Variants in SPDYA observed in about 807,000 individuals in gnomAD.
SPDYA encodes the protein speedy protein A.
In SPDYA, 11 loss-of-function variants were observed where a neutral mutation model predicts 36.7. The ratio of observed to expected loss-of-function variants is 0.30; its 90% confidence interval spans 0.19 to 0.50. SPDYA has a LOEUF of 0.50. Ranked by LOEUF, SPDYA falls within the 20% of genes least tolerant of loss-of-function variation. The pLI, the probability that SPDYA is intolerant of heterozygous loss-of-function variation, is 0.98. For synonymous variants in SPDYA, 115 were observed against 118.7 expected (o/e 0.97, Z 0.20); for missense variants, 287 against 370.9 (o/e 0.77, Z 1.86).
chr2:28,824,942 A>G (rs2148085964), intron 5 of SPDYA, among the ~76,000 whole-genome samples: 1 of 152,350 alleles, frequency 6.6e-6, no homozygotes, highest in Non-Finnish European at 1.5e-5. Context: ...TAAATATAAT[A>G]GTATTAGGTA....
intron 5 of SPDYA, among the ~76,000 whole-genome samples, chr2:28,828,204 C>A (rs1668380410): frequency 1.3e-5 from 2 of 152,124 alleles, no homozygotes; most frequent in South Asian, 4.1e-4. Flanking sequence ...CCAGGCAGAT[C>A]TTGAACTCCT....
chr2:28,845,265 C>CTT (rs1362262400), intron 7 of SPDYA, among the ~76,000 whole-genome samples: 2 of 106,896 alleles, frequency 1.9e-5, no homozygotes, highest in African/African-American at 3.6e-5. Flanking sequence ...TTTTTTTTTT[C>CTT]TTTTTTTTTT....
intron 7 of SPDYA, among the ~76,000 whole-genome samples, chr2:28,846,734 C>CACAT (rs1400292718): frequency 2.8e-5 from 4 of 145,072 alleles, no homozygotes; most frequent in African/African-American, 1.1e-4. Flanking sequence ...CACACACACA[C>CACAT]ACACACACAC....
At chr2:28,846,308 T>C (rs1309418480) in intron 7 of SPDYA, among the ~76,000 whole-genome samples, 1 of 152,144 alleles carries the variant, frequency 6.6e-6, no homozygotes, top group African/African-American at 2.4e-5. Flanking sequence ...CTCCAGAGAC[T>C]GAGGCAGGAG....
intron 5 of SPDYA, among the ~76,000 whole-genome samples, chr2:28,823,742 TATAA>T (rs1414955550): frequency 3.4e-4 from 30 of 88,932 alleles, no homozygotes; most frequent in East Asian, 1.8e-3. Context: ...TATATATATA[TATAA>T]AATTTTTTTT....
At position 28,850,117 on chromosome 2, in the gene SPDYA, T is replaced by A; in HGVS notation, c.*176T>A. 2 of 1,360,124 alleles carry A rather than the reference T, an allele frequency of 1.5e-6. No homozygotes were observed. The highest frequency in any genetic ancestry group is 4.6e-5 in the East Asian group (2 of 43,338). The allele number at this position is 1,360,124 out of a possible 1,614,324, so 84.3% of individuals were successfully genotyped here. The stretch of plus-strand genomic sequence containing the variant: ...TCATAGTAATAGCTAAAAATGCCAA[T>A]CTATGGAAGCAGTGATTTTCAATAT... On this transcript the variant is annotated 3_prime_UTR_variant, in exon 8 of 8. Transcript: ENST00000334056.
At chr2:28,812,655 G>A (rs957537415) in intron 1 of SPDYA, among the ~76,000 whole-genome samples, 1 of 151,832 alleles carries the variant, frequency 6.6e-6, no homozygotes, top group African/African-American at 2.4e-5. Context: ...TCAGGAGTTG[G>A]AGACCAGCCT....
intron 7 of SPDYA, among the ~76,000 whole-genome samples, chr2:28,848,778 C>T (rs1188893853): frequency 6.6e-6 from 1 of 152,060 alleles, no homozygotes; most frequent in Non-Finnish European, 1.5e-5. Context: ...CATGGTGGCT[C>T]CACACCTATA....
intron 6 of SPDYA, 101 bp downstream of exon 6, chr2:28,829,420 T>TG (rs1668418088): frequency 8.6e-6 from 10 of 1,163,872 alleles, no homozygotes; most frequent in Non-Finnish European, 1.2e-5. Context: ...ATTCTGGGTT[T>TG]TTTTTTTTTT....
intron 7 of SPDYA, among the ~76,000 whole-genome samples, chr2:28,847,440 T>C (rs1287678180): frequency 6.6e-6 from 1 of 151,892 alleles, no homozygotes; most frequent in Non-Finnish European, 1.5e-5. Context: ...TACAGGATGG[T>C]GTTCCCCTAA....
At chr2:28,822,828 G>C (rs765450828) in intron 5 of SPDYA, among the ~76,000 whole-genome samples, 14 of 152,128 alleles carry the variant, frequency 9.2e-5, no homozygotes, top group Non-Finnish European at 2.1e-4. Flanking sequence ...GGATGGTCTT[G>C]ATCTCCTGAC....
intron 7 of SPDYA, chr2:28,840,812 A>G (rs1668731191): frequency 2.0e-6 from 2 of 986,188 alleles, no homozygotes; most frequent in Non-Finnish European, 2.4e-6. Context: ...CCTTCCAACT[A>G]TTGGTTTCCT....
At chr2:28,816,580 C>T (rs1667987701) in intron 3 of SPDYA, among the ~76,000 whole-genome samples, 1 of 152,138 alleles carries the variant, frequency 6.6e-6, no homozygotes, top group Non-Finnish European at 1.5e-5. Context: ...CATAAAGACT[C>T]AGGTGAGCTA....
chr2:28,845,825 G>A (rs942972603), intron 7 of SPDYA, among the ~76,000 whole-genome samples: 2 of 152,096 alleles, frequency 1.3e-5, no homozygotes, highest in Non-Finnish European at 2.9e-5. Flanking sequence ...GATTACAGGC[G>A]TGAGCCACCG....
At chr2:28,829,960 GA>G (rs1218514602) in intron 6 of SPDYA, among the ~76,000 whole-genome samples, 9 of 74,612 alleles carry the variant, frequency 1.2e-4, no homozygotes, top group South Asian at 4.6e-4. Context: ...AAAAAAAAAA[GA>G]AAAGAAAAGA....
rs528804288 is a variant in SPDYA at position 28,821,202 on chromosome 2, T to C, written c.295-1123T>C. 9.9e-3 allele frequency among the ~76,000 whole-genome samples: 1,373 copies of C among 138,276 alleles called. 14 individuals carry two copies. Among genetic ancestry groups the C allele is most frequent in the Non-Finnish European group, 0.017 (1,075 of 63,664 alleles). 90.7% of individuals were successfully genotyped at this position (138,276 alleles called of 152,430 possible). A position where few individuals can be genotyped will look rare whatever the true frequency, so the allele number is the denominator to read the frequency against. Reference sequence around the variant, plus strand: ...GATTTTTTTTTTTTCTTTTTCTTTTTTTTTTTTTTTTTTTTGAGATGGAGT... The same window carrying C: ...GATTTTTTTTTTTTCTTTTTCTTTTCTTTTTTTTTTTTTTTGAGATGGAGT... On this transcript the variant is annotated intron_variant, in intron 4 of 7. Transcript: ENST00000334056.
rs547347651 is a variant in SPDYA, at chr2:28,812,436, C to T, written c.-93+1489C>T. ...CCAGAGAAGAGGTTATTTCAGATGC[C>T]TCTAGAATTTTTGTGATTTACTTAC... On this transcript the variant is annotated intron_variant, in intron 1 of 7. Transcript: ENST00000334056. Among the ~76,000 whole-genome samples the T allele has an allele frequency of 1.7e-4, 26 of 149,702 alleles. No homozygotes were observed. The South Asian group carries it at 4.7e-3, about 27-fold the overall frequency.
Position 28,850,171 on chromosome 2 carries a change from T to C in SPDYA, c.*230T>C, listed in dbSNP as rs755497310. The C allele has an allele frequency of 1.3e-6, 2 of 1,594,386 alleles. No homozygotes were observed. Among genetic ancestry groups the C allele is most frequent in the African/African-American group, 2.7e-5 (2 of 74,142 alleles). On this transcript the variant is annotated 3_prime_UTR_variant, in exon 8 of 8. Coordinates refer to ENST00000334056, the MANE Select transcript of SPDYA (RefSeq NM_182756.4). ...GTTCTATTTTGATATTTTTCCATCT[T>C]CAAGTCAGTTACTGTCATCTGGAGT...
rs1271263522 is a variant in SPDYA, at chr2:28,840,403, G to A, written c.784G>A (p.Asp262Asn). 2.5e-6 allele frequency: 4 copies of A among 1,613,574 alleles called. No homozygotes were observed. The highest frequency in any genetic ancestry group is 3.4e-6 in the Non-Finnish European group (4 of 1,179,874). The change falls in exon 7 of 8, where the codon GAC (aspartate) becomes AAC (asparagine). Residue 262 changes from aspartate (D) to asparagine (N), a missense_variant. By Grantham distance (23) the Asp-to-Asn change is conservative. Coordinates refer to ENST00000334056, the MANE Select transcript of SPDYA (RefSeq NM_182756.4). ...AGGGGTGACAGAAAAACATTCTCAG[G>A]ACTCATACAACTCACTGTCAATGGA... ...TAGVTEKHSQ[D>N]SYNSLSMDII... is the part of the protein sequence containing the mutation.
Sources: gnomAD v4.1 joint callset for allele counts (sites outside exome capture counted in the v4.1 genomes callset) on GRCh38, gnomAD v4.1.1 for gene constraint, MANE v1.5 for transcripts, NCBI Gene and HGNC (gene_info 2026-07-23, HGNC 2026-07-21) for gene names.